Variants in ATP13A4 observed in about 807,000 individuals in gnomAD.
ATP13A4 encodes probable cation-transporting ATPase 13A4.
ATP13A4 carries 114 observed loss-of-function variants against 142.5 expected under a neutral mutation model. The ratio of observed to expected loss-of-function variants is 0.80; its 90% CI spans 0.69 to 0.93. The LOEUF is 0.93. Among genes scored for constraint, ATP13A4 ranks in the 40% least tolerant of loss-of-function variants. The pLI is 0.00. For missense variants in ATP13A4, 1,392 were observed against 1,454.0 expected (o/e 0.96, Z 0.69); for synonymous variants, 488 against 514.8 (o/e 0.95, Z 0.70).
intron 25 of ATP13A4, among the ~76,000 whole-genome samples, chr3:193,424,665 A>C (rs13060665): frequency 0.16 from 23,402 of 149,418 alleles, 2,756 homozygotes; most frequent in South Asian, 0.25. Context: ...CAAATAAGAA[A>C]ATTAACTCAA....
At chr3:193,565,259 T>G (rs1724109826) in intron 2 of ATP13A4, among the ~76,000 whole-genome samples, 1 of 152,206 alleles carries the variant, frequency 6.6e-6, no homozygotes. Flanking sequence ...TAACCTTTAA[T>G]AGATCTCCTG....
chr3:193,589,211 G>C (rs1018043979), intron 1 of ATP13A4, among the ~76,000 whole-genome samples: 1 of 152,028 alleles, frequency 6.6e-6, no homozygotes, highest in Non-Finnish European at 1.5e-5. Flanking sequence ...TAATTTGTGT[G>C]TGTATATATA....
At chr3:193,426,142 G>A (rs1295499443) in intron 25 of ATP13A4, among the ~76,000 whole-genome samples, 1 of 151,736 alleles carries the variant, frequency 6.6e-6, no homozygotes, top group Admixed American at 6.6e-5. Flanking sequence ...CAAGAAAGCT[G>A]ATAAAATTAA....
Position 193,489,883 on chromosome 3 carries a change from A to T in ATP13A4, c.604-19T>A. The T allele has an allele frequency of 6.2e-7, 1 of 1,610,620 alleles. No homozygotes were observed. Among genetic ancestry groups the T allele is most frequent in the Non-Finnish European group, 8.5e-7 (1 of 1,177,668 alleles). On this transcript the variant is annotated intron_variant, in intron 6 of 29. Coordinates refer to ENST00000342695, the MANE Select transcript of ATP13A4 (RefSeq NM_032279.4). ...TTAGAACCTGTTGGCAGACATAAAA[A>T]CAGGAAGACAAGGGAGAGTTTTAGG...
intron 1 of ATP13A4, chr3:193,554,448 A>G (rs1418315665): frequency 4.2e-6 from 2 of 479,432 alleles, no homozygotes; most frequent in South Asian, 2.1e-5. Context: ...TCAAACAAGA[A>G]TCATAAAGTG....
At chr3:193,515,897 C>T (rs1721384526) in intron 1 of ATP13A4, among the ~76,000 whole-genome samples, 1 of 152,228 alleles carries the variant, frequency 6.6e-6, no homozygotes, top group Non-Finnish European at 1.5e-5. Context: ...GAGACTAGCT[C>T]TGCCACTTAC....
At position 193,440,784 on chromosome 3, in the gene ATP13A4, GACAA is replaced by G; in HGVS notation, c.2440-151_2440-148del. ...CAATGAGCCTTCCTTTGGATTTTAA[GACAA>G]ACATTGAGGTTTTGGTCATCAGATA... On this transcript the variant is annotated intron_variant, in intron 20 of 29. Coordinates refer to ENST00000342695, the MANE Select transcript of ATP13A4 (RefSeq NM_032279.4). 3.6e-6 allele frequency: 3 copies of G among 837,556 alleles called. No homozygotes were observed. In the South Asian group the frequency reaches 4.7e-5, roughly 13 times the overall value. 51.9% of individuals were successfully genotyped at this position (837,556 alleles called of 1,614,324 possible). A position where few individuals can be genotyped will look rare whatever the true frequency, so the allele number is the denominator to read the frequency against.
intron 25 of ATP13A4, among the ~76,000 whole-genome samples, chr3:193,426,531 A>G (rs1314053886): frequency 6.6e-6 from 1 of 151,898 alleles, no homozygotes; most frequent in Non-Finnish European, 1.5e-5. Context: ...ATATGAAATT[A>G]TAAGAGTCCC....
chr3:193,539,622 T>G (rs1171561020), intron 1 of ATP13A4, among the ~76,000 whole-genome samples: 1 of 152,214 alleles, frequency 6.6e-6, no homozygotes, highest in Non-Finnish European at 1.5e-5. Flanking sequence ...TGTCAGCTTC[T>G]TTCTTCAGCC....
At chr3:193,458,245 T>C (rs1717750401) in intron 14 of ATP13A4, among the ~76,000 whole-genome samples, 1 of 152,246 alleles carries the variant, frequency 6.6e-6, no homozygotes, top group Non-Finnish European at 1.5e-5. Flanking sequence ...GGATTATAGC[T>C]AAGTAGTCAG....
At chr3:193,437,811 A>G (rs1716376651) in intron 23 of ATP13A4, among the ~76,000 whole-genome samples, 2 of 150,158 alleles carry the variant, frequency 1.3e-5, no homozygotes, top group African/African-American at 4.9e-5. Context: ...TGAGAGCAGC[A>G]AAAGCCAATA....
At chr3:193,474,763 G>GAGAA (rs770551896) in intron 8 of ATP13A4, among the ~76,000 whole-genome samples, 2 of 149,726 alleles carry the variant, frequency 1.3e-5, no homozygotes, top group African/African-American at 5.1e-5. Context: ...AAGAAAGAAA[G>GAGAA]AGAAAGAAAG....
At chr3:193,582,069 A>G (rs942451781) in intron 1 of ATP13A4, among the ~76,000 whole-genome samples, 1 of 149,864 alleles carries the variant, frequency 6.7e-6, no homozygotes, top group South Asian at 2.1e-4. Context: ...TTACTAAAAT[A>G]CCTGAAAAGA....
chr3:193,424,345 G>T (rs1715549385), intron 25 of ATP13A4, among the ~76,000 whole-genome samples: 1 of 148,642 alleles, frequency 6.7e-6, no homozygotes, highest in African/African-American at 2.5e-5. Context: ...AAAATGTATA[G>T]GGACCACAAA....
intron 21 of ATP13A4, 68 bp from the exon 22 acceptor site, chr3:193,439,133 A>G: frequency 6.8e-7 from 1 of 1,464,144 alleles, no homozygotes; most frequent in Non-Finnish European, 9.6e-7. Context: ...AATTAAAAAA[A>G]CAAAGTAACC....
intron 1 of ATP13A4, among the ~76,000 whole-genome samples, chr3:193,589,322 T>C (rs767754623): frequency 6.6e-6 from 1 of 152,114 alleles, no homozygotes; most frequent in Non-Finnish European, 1.5e-5. Flanking sequence ...AGTTTGATAA[T>C]GATGATGGTG....
chr3:193,536,389 T>C (rs1057178846), intron 1 of ATP13A4, among the ~76,000 whole-genome samples: 8 of 151,948 alleles, frequency 5.3e-5, no homozygotes, highest in Admixed American at 4.6e-4. Flanking sequence ...GTTAACAGAC[T>C]AAAGAAGAAA....
intron 1 of ATP13A4, among the ~76,000 whole-genome samples, chr3:193,582,635 ATT>A: frequency 3.5e-5 from 3 of 84,508 alleles, no homozygotes; most frequent in African/African-American, 6.7e-5. Flanking sequence ...TATTACATAC[ATT>A]ATATATGTAT....
chr3:193,426,849 T>G (rs1715692864), intron 25 of ATP13A4, among the ~76,000 whole-genome samples: 1 of 149,864 alleles, frequency 6.7e-6, no homozygotes, highest in South Asian at 2.1e-4. Flanking sequence ...ACACAAAAAA[T>G]GGATCAATGA....
Sources: gnomAD v4.1 joint callset for allele counts (sites outside exome capture counted in the v4.1 genomes callset) on GRCh38, gnomAD v4.1.1 for gene constraint, MANE v1.5 for transcripts, NCBI Gene and HGNC (gene_info 2026-07-23, HGNC 2026-07-21) for gene names.